NPEPPS: variants seen among roughly 807,000 people sequenced by gnomAD.
NPEPPS encodes puromycin-sensitive aminopeptidase.
A neutral mutation model predicts 115.5 loss-of-function variants in NPEPPS; 14 were observed. That is an observed-to-expected ratio of 0.12 (90% CI 0.08 to 0.19). The LOEUF is 0.19. Among genes scored for constraint, NPEPPS ranks in the 10% least tolerant of loss-of-function variants. The pLI, the probability that NPEPPS is intolerant of heterozygous loss-of-function variation, is 1.00. For missense variants in NPEPPS, 523 were observed against 1,110.8 expected (o/e 0.47, Z 7.52); for synonymous variants, 285 against 390.6 (o/e 0.73, Z 3.19).
At chr17:47,607,654 C>T (rs1400956268) in intron 17 of NPEPPS, among the ~76,000 whole-genome samples, 2 of 152,120 alleles carry the variant, frequency 1.3e-5, no homozygotes, top group African/African-American at 4.8e-5. Flanking sequence ...TTTAGCAATC[C>T]AGTTGAGATG....
intron 2 of NPEPPS, among the ~76,000 whole-genome samples, chr17:47,560,843 A>G (rs1320811504): frequency 1.3e-4 from 20 of 152,210 alleles, no homozygotes; most frequent in Non-Finnish European, 2.2e-4. Flanking sequence ...AAACCTCACA[A>G]TGTGTTTGAT....
intron 2 of NPEPPS, among the ~76,000 whole-genome samples, chr17:47,547,610 C>T (rs897884635): frequency 6.6e-6 from 1 of 152,144 alleles, no homozygotes; most frequent in South Asian, 2.1e-4. Context: ...CTGACCTCTT[C>T]GGCCTTGCAG....
intron 5 of NPEPPS, among the ~76,000 whole-genome samples, chr17:47,584,738 C>T (rs1056784323): frequency 1.3e-5 from 2 of 152,122 alleles, no homozygotes; most frequent in Non-Finnish European, 2.9e-5. Context: ...GTTGAAATTT[C>T]TTCACAAATA....
intron 15 of NPEPPS, among the ~76,000 whole-genome samples, chr17:47,602,952 TTAAA>T (rs1237867767): frequency 6.6e-6 from 1 of 152,062 alleles, no homozygotes; most frequent in Non-Finnish European, 1.5e-5. Flanking sequence ...TTTGATTAGG[TTAAA>T]TAAAGGGAAT....
chr17:47,594,938 A>AT (rs938115842), intron 12 of NPEPPS, among the ~76,000 whole-genome samples: 18 of 101,310 alleles, frequency 1.8e-4, no homozygotes, highest in Non-Finnish European at 3.0e-4. Flanking sequence ...GGCCTATTTT[A>AT]TTTTTTTTAA....
At chr17:47,572,797 A>T (rs1397002579) in intron 3 of NPEPPS, among the ~76,000 whole-genome samples, 5 of 152,212 alleles carry the variant, frequency 3.3e-5, no homozygotes, top group African/African-American at 7.2e-5. Flanking sequence ...CATTTTTGCA[A>T]CAGAATCTTG....
rs1911043930 is a variant in NPEPPS at position 47,569,292 on chromosome 17, A to AGTTTC, written c.341-125_341-124insGTTTC. ...TTGAAATGAAACTCTTGCTAATAGG[A>AGTTTC]ACTTAATTCACCAAATTAAGAATAT... On this transcript the variant is annotated intron_variant, in intron 2 of 22. Coordinates refer to ENST00000322157, the MANE Select transcript of NPEPPS (RefSeq NM_006310.4). 4 of 631,818 alleles carry AGTTTC rather than the reference A, an allele frequency of 6.3e-6. No individual in the cohort carries two copies. In the East Asian group the frequency reaches 8.4e-5, roughly 13 times the overall value. The allele number at this position is 631,818 out of a possible 1,614,324, so 39.1% of individuals were successfully genotyped here. A position where few individuals can be genotyped will look rare whatever the true frequency, so the allele number is the denominator to read the frequency against.
chr17:47,557,414 G>T (rs995000189), intron 2 of NPEPPS: 2 of 149,820 alleles, frequency 1.3e-5, no homozygotes, highest in Admixed American at 1.3e-4. Context: ...ACTTCTTTAG[G>T]CTGGTCCCAG....
At chr17:47,530,927 T>C (rs1421504640), upstream of NPEPPS, 2 of 151,168 alleles carry the variant, frequency 1.3e-5, no homozygotes, top group East Asian at 4.0e-4. Context: ...CCCCCAGTCC[T>C]GAGCGGCGCC....
intron 3 of NPEPPS, among the ~76,000 whole-genome samples, chr17:47,574,474 C>T (rs533833537): frequency 7.9e-5 from 12 of 152,248 alleles, no homozygotes; most frequent in East Asian, 5.8e-4. Context: ...GAAGAGTAGA[C>T]AGAAACTTCT....
intron 17 of NPEPPS, among the ~76,000 whole-genome samples, chr17:47,611,576 G>A (rs1460394600): frequency 6.6e-6 from 1 of 152,062 alleles, no homozygotes; most frequent in East Asian, 1.9e-4. Context: ...GGGCTCAAGC[G>A]ATCCTCCCTC....
chr17:47,570,629 A>G (rs540870182), intron 3 of NPEPPS, among the ~76,000 whole-genome samples: 6 of 152,276 alleles, frequency 3.9e-5, no homozygotes, highest in Admixed American at 2.0e-4. Context: ...AGCTTAGTGT[A>G]TGTGGAAGAA....
At chr17:47,602,491 A>G (rs1913263846) in intron 15 of NPEPPS, among the ~76,000 whole-genome samples, 1 of 151,988 alleles carries the variant, frequency 6.6e-6, no homozygotes. Context: ...AAAAAAAATT[A>G]GCTAGTCGTG....
intron 1 of NPEPPS, among the ~76,000 whole-genome samples, chr17:47,543,783 T>TC (rs1202601123): frequency 2.0e-5 from 3 of 152,198 alleles, no homozygotes; most frequent in African/African-American, 7.2e-5. Context: ...AAGATTTATG[T>TC]CCAACAATCC....
chr17:47,619,697 C>G, intron 21 of NPEPPS, 40 bp from the exon 22 acceptor site: 3 of 1,556,120 alleles, frequency 1.9e-6, no homozygotes, highest in Non-Finnish European at 2.7e-6. Context: ...TGTTCTCAGC[C>G]TCTTGGTTTC....
rs1053361601 is a variant in NPEPPS, at chr17:47,622,332, A to T, written c.*412A>T. The T allele has an allele frequency of 1.2e-5, 2 of 162,592 alleles. No homozygotes were observed. The highest frequency in any genetic ancestry group is 2.4e-5 in the African/African-American group (1 of 41,594). The allele number at this position is 162,592 out of a possible 1,614,324, so 10.1% of individuals were successfully genotyped here. ...AGTGGGTTCTGCAAGGAGCCTATAA[A>T]GCCAAGGGTGGTGTCCATTTCTGGG... On this transcript the variant is annotated 3_prime_UTR_variant, in exon 23 of 23. Transcript: ENST00000322157.
rs1214355783 is a variant in NPEPPS at position 47,542,407 on chromosome 17, G to A, written c.256-3502G>A. 5.3e-5 allele frequency among the ~76,000 whole-genome samples: 8 copies of A among 152,172 alleles called. No individual in the cohort carries two copies. In the South Asian group the frequency reaches 6.2e-4, roughly 12 times the overall value. ...ACTAGAAATACAAAATTTACCGGGC[G>A]TAGTGGCACATGCCTGTAATCCCAG... On this transcript the variant is annotated intron_variant, in intron 1 of 22. Transcript: ENST00000322157.
Position 47,599,662 on chromosome 17 carries a change from T to C in NPEPPS, c.1537-14T>C. Reference sequence around the variant, plus strand: ...GGTGTCAGTACTATTATAGCCTTTGTTTTGCTTCTTTAGGTAGAAGATGAC... The same window carrying C: ...GGTGTCAGTACTATTATAGCCTTTGCTTTGCTTCTTTAGGTAGAAGATGAC... On this transcript the variant is annotated splice_polypyrimidine_tract_variant and intron_variant, in intron 13 of 22. Transcript: ENST00000322157. The C allele has an allele frequency of 6.4e-7, 1 of 1,555,166 alleles. No homozygotes were observed. Among genetic ancestry groups the C allele is most frequent in the Non-Finnish European group, 8.7e-7 (1 of 1,148,110 alleles).
intron 9 of NPEPPS, among the ~76,000 whole-genome samples, chr17:47,587,759 G>C (rs1383073423): frequency 6.6e-6 from 1 of 152,134 alleles, no homozygotes; most frequent in South Asian, 2.1e-4. Context: ...TTTAATTAGA[G>C]AGAAATGTTT....
Sources: allele counts gnomAD v4.1 joint callset (sites outside exome capture counted in the v4.1 genomes callset), GRCh38; gene constraint gnomAD v4.1.1; transcripts MANE v1.5; gene names NCBI Gene and HGNC (gene_info 2026-07-23, HGNC 2026-07-21).